PLXNA4: variants seen among roughly 807,000 people sequenced by gnomAD.
PLXNA4 encodes the protein plexin A4, also known as plexin-A4.
PLXNA4 carries 44 observed loss-of-function variants against 191.8 expected under a neutral mutation model. The observed-to-expected ratio is 0.23, with a 90% CI of 0.18 to 0.29. The LOEUF (loss-of-function observed/expected upper bound fraction) is 0.29, where lower values mean the gene tolerates loss of function less well. Ranked by LOEUF, PLXNA4 falls within the 10% of genes least tolerant of loss-of-function variation. The pLI is 1.00. For missense variants in PLXNA4, 1,800 were observed against 2,488.8 expected (o/e 0.72, Z 5.89); for synonymous variants, 1,082 against 1,009.5 (o/e 1.07, Z -1.36).
intron 2 of PLXNA4, among the ~76,000 whole-genome samples, chr7:132,489,972 A>T (rs1797721597): frequency 6.6e-6 from 1 of 152,246 alleles, no homozygotes; most frequent in Non-Finnish European, 1.5e-5. Context: ...GCAGACACAC[A>T]CATGAGGACT....
Position 132,211,060 on chromosome 7 carries a change from G to C in PLXNA4, c.2181C>G (p.Leu727=). The change falls in exon 10 of 32, where the codon CTC becomes CTG. Residue 727 remains leucine (L), a synonymous_variant. Coordinates refer to ENST00000321063, the MANE Select transcript of PLXNA4 (RefSeq NM_020911.2). ...IKPITLKAKN[L]PQPQSGQRGY... is the part of the protein sequence containing the mutation. ...CACGCTGCCCAGACTGGGGCTGGGG[G>C]AGGTTCTTGGCCTTCAGCGTGATAG... 1 of 1,611,788 alleles carries C rather than the reference G, an allele frequency of 6.2e-7. No individual in the cohort carries two copies. The highest frequency in any genetic ancestry group is 8.5e-7 in the Non-Finnish European group (1 of 1,179,032).
chr7:132,303,186 T>C (rs1801373857), intron 3 of PLXNA4, among the ~76,000 whole-genome samples: 1 of 152,010 alleles, frequency 6.6e-6, no homozygotes, highest in Non-Finnish European at 1.5e-5. Context: ...ATTTCTTATT[T>C]TTACATAGTA....
rs1425781491 is a variant in PLXNA4, at chr7:132,508,406, G to A, written c.288C>T (p.Tyr96=). ...TGPDEDNPKC[Y]PPRIVQTCNE... Reference sequence around the variant, plus strand: ...TGCAGGTCTGGACGATGCGGGGTGGGTAACACTTGGGGTTGTCCTCGTCCG... The same window carrying A: ...TGCAGGTCTGGACGATGCGGGGTGGATAACACTTGGGGTTGTCCTCGTCCG... The change falls in exon 2 of 32, where the codon TAC becomes TAT. Residue 96 remains tyrosine, a synonymous_variant. Coordinates refer to ENST00000321063, the MANE Select transcript of PLXNA4 (RefSeq NM_020911.2). The surrounding 1 kb of genome is among the most constrained non-coding windows in gnomAD (Gnocchi z 4.4). The A allele has an allele frequency of 1.5e-5, 24 of 1,614,070 alleles. No individual in the cohort carries two copies. Among genetic ancestry groups the A allele is most frequent in the Non-Finnish European group, 1.9e-5 (23 of 1,180,048 alleles).
chr7:132,239,750 C>A (rs893753052), intron 5 of PLXNA4, among the ~76,000 whole-genome samples: 1 of 152,196 alleles, frequency 6.6e-6, no homozygotes, highest in African/African-American at 2.4e-5. Context: ...TAGCATGCAA[C>A]CTTTCTATAC....
intron 30 of PLXNA4, among the ~76,000 whole-genome samples, chr7:132,136,272 GCT>G (rs1406284447): frequency 2.0e-5 from 3 of 152,190 alleles, no homozygotes; most frequent in Non-Finnish European, 2.9e-5. Flanking sequence ...ACACAATTAG[GCT>G]CTGTTAAGGA....
At chr7:132,497,017 T>A (rs1325930926) in intron 2 of PLXNA4, among the ~76,000 whole-genome samples, 1 of 152,066 alleles carries the variant, frequency 6.6e-6, no homozygotes, top group African/African-American at 2.4e-5. Flanking sequence ...GGGAAGCCCA[T>A]GAGCTGCCTA....
At chr7:132,225,456 G>A (rs1435715015) in intron 8 of PLXNA4, among the ~76,000 whole-genome samples, 2 of 152,220 alleles carry the variant, frequency 1.3e-5, no homozygotes, top group Admixed American at 1.3e-4. Flanking sequence ...TGATTTCCCT[G>A]TTGATAGAGG....
At chr7:132,164,791 TG>T (rs1796053131) in intron 23 of PLXNA4, among the ~76,000 whole-genome samples, 2 of 152,238 alleles carry the variant, frequency 1.3e-5, no homozygotes, top group South Asian at 4.1e-4. Context: ...TCAGTAAGTC[TG>T]GGGCTGGGAG....
chr7:132,204,213 T>C (rs559713696), intron 10 of PLXNA4, among the ~76,000 whole-genome samples: 1 of 151,792 alleles, frequency 6.6e-6, no homozygotes, highest in East Asian at 1.9e-4. Context: ...AGGTGGAGGG[T>C]GGAGAGAAGA....
intron 16 of PLXNA4, among the ~76,000 whole-genome samples, chr7:132,184,246 G>A (rs1796804102): frequency 6.6e-6 from 1 of 152,188 alleles, no homozygotes; most frequent in Non-Finnish European, 1.5e-5. Context: ...GCCAGGCAGG[G>A]CCCTGTGCAT....
chr7:132,254,362 C>T (rs944706938), intron 4 of PLXNA4, among the ~76,000 whole-genome samples: 1 of 152,178 alleles, frequency 6.6e-6, no homozygotes, highest in African/African-American at 2.4e-5. Flanking sequence ...TTCTATCTAT[C>T]ATTAACATAA....
intron 2 of PLXNA4, among the ~76,000 whole-genome samples, chr7:132,497,065 T>C (rs1585224590): frequency 6.6e-6 from 1 of 152,154 alleles, no homozygotes; most frequent in African/African-American, 2.4e-5. Context: ...ATTCTTCATG[T>C]TGAGCAGCCC....
At chr7:132,502,066 G>C (rs1313132136) in intron 2 of PLXNA4, among the ~76,000 whole-genome samples, 1 of 152,202 alleles carries the variant, frequency 6.6e-6, no homozygotes, top group Non-Finnish European at 1.5e-5. Flanking sequence ...TGCTGACAGG[G>C]AAAAGAAAAC....
chr7:132,228,266 C>G (rs997329836), intron 6 of PLXNA4, 80 bp downstream of exon 6: 3 of 1,581,660 alleles, frequency 1.9e-6, no homozygotes, highest in Non-Finnish European at 2.6e-6. Context: ...TCCAGAGGGG[C>G]CTTGGGCTAA....
At chr7:132,165,819 A>G (rs1249409011) in intron 22 of PLXNA4, among the ~76,000 whole-genome samples, 3 of 152,098 alleles carry the variant, frequency 2.0e-5, no homozygotes, top group Non-Finnish European at 4.4e-5. Context: ...AGATGGCCAA[A>G]CTGAGTCCAC....
At chr7:132,318,463 C>G (rs1018095566) in intron 3 of PLXNA4, among the ~76,000 whole-genome samples, 1 of 152,122 alleles carries the variant, frequency 6.6e-6, no homozygotes, top group Non-Finnish European at 1.5e-5. Flanking sequence ...CTGGCTTCCT[C>G]CCTCCCTGCT....
chr7:132,423,882 G>A (rs1337834399), intron 3 of PLXNA4, among the ~76,000 whole-genome samples: 1 of 152,124 alleles, frequency 6.6e-6, no homozygotes, highest in African/African-American at 2.4e-5. Context: ...CCACCATCGG[G>A]GCCACAAGGA....
intron 3 of PLXNA4, among the ~76,000 whole-genome samples, chr7:132,410,298 C>G (rs191839203): frequency 8.7e-4 from 132 of 152,104 alleles, no homozygotes; most frequent in African/African-American, 2.8e-3. Flanking sequence ...AGAAGCAGCA[C>G]AGTGCCTTCC....
At chr7:132,639,069 G>A (rs941035235) in intron 2 of PLXNA4, among the ~76,000 whole-genome samples, 9 of 152,280 alleles carry the variant, frequency 5.9e-5, no homozygotes, top group Admixed American at 4.6e-4. Flanking sequence ...TGCAGCATCT[G>A]GGTTATATCA....
Sources: gnomAD v4.1 joint callset for allele counts (sites outside exome capture counted in the v4.1 genomes callset) on GRCh38, gnomAD v4.1.1 for gene constraint, Gnocchi (gnomAD v3.1) non-coding constraint, MANE v1.5 for transcripts, NCBI Gene and HGNC (gene_info 2026-07-23, HGNC 2026-07-21) for gene names.